PDE4C: variants seen among roughly 807,000 people sequenced by gnomAD.
PDE4C encodes the protein 3',5'-cyclic-AMP phosphodiesterase 4C.
Under a neutral mutation model 63.9 loss-of-function variants are expected in PDE4C, and 50 were observed. The observed-to-expected ratio is 0.78, with a 90% CI of 0.62 to 0.99. The LOEUF is 0.99. Ranked by LOEUF, PDE4C falls within the 50% of genes least tolerant of loss-of-function variation. The probability of loss-of-function intolerance (pLI) is 0.00; values close to 1 mark genes in which losing one functional copy is unlikely to be tolerated. For synonymous variants in PDE4C, 377 were observed against 385.1 expected, an observed-to-expected ratio of 0.98 and a Z score of 0.25; for missense variants, 777 against 899.1, an observed-to-expected ratio of 0.86 and a Z score of 1.74.
downstream of PDE4C, chr19:18,208,482 A>T (rs1006204821): frequency 7.8e-6 from 1 of 128,260 alleles, no homozygotes; most frequent in Non-Finnish European, 1.7e-5. Context: ...CCACCCCCCA[A>T]CCCCCGACAA....
At chr19:18,241,613 C>T (rs1176957450) in intron 1 of PDE4C, among the ~76,000 whole-genome samples, 1 of 151,874 alleles carries the variant, frequency 6.6e-6, no homozygotes, top group African/African-American at 2.4e-5. Flanking sequence ...TGCAGTGGTG[C>T]AGTCTTAACT....
At chr19:18,215,616 A>C (rs1007056708) in intron 12 of PDE4C, among the ~76,000 whole-genome samples, 1 of 149,210 alleles carries the variant, frequency 6.7e-6, no homozygotes, top group African/African-American at 2.5e-5. Context: ...CCGGGTTCAA[A>C]TGATTCTCCT....
At chr19:18,211,685 G>A in intron 14 of PDE4C, 74 bp downstream of exon 14, 1 of 1,546,646 alleles carries the variant, frequency 6.5e-7, no homozygotes, top group Non-Finnish European at 8.9e-7. Context: ...CCAAACCAGG[G>A]CTCGTGGGGT....
chr19:18,233,049 G>C, exon 1 of PDE4C: 1 of 1,565,336 alleles, frequency 6.4e-7, no homozygotes, highest in Non-Finnish European at 8.7e-7. Flanking sequence ...GTCCGGATCC[G>C]AATAGAAGCG....
At chr19:18,254,913 T>C in the PDE4C span, among the ~76,000 whole-genome samples, 1 of 152,336 alleles carries the variant, frequency 6.6e-6, no homozygotes, top group South Asian at 2.1e-4. Context: ...CCTTTGGGGA[T>C]TGGCTAAAAG....
At chr19:18,242,821 G>A (rs186954662) in intron 1 of PDE4C, among the ~76,000 whole-genome samples, 5 of 152,000 alleles carry the variant, frequency 3.3e-5, no homozygotes, top group Admixed American at 3.3e-4. Flanking sequence ...GGGAGCCAAG[G>A]GCCAGGGTGG....
At chr19:18,241,467 C>T (rs1185062706) in intron 1 of PDE4C, among the ~76,000 whole-genome samples, 1 of 151,858 alleles carries the variant, frequency 6.6e-6, no homozygotes, top group Admixed American at 6.6e-5. Flanking sequence ...CGGGGTCTCA[C>T]CGTGTTAGCT....
At chr19:18,211,118 C>T (rs746777367) in exon 15 of PDE4C, 2 of 1,614,190 alleles carry the variant, frequency 1.2e-6, no homozygotes, top group Admixed American at 1.7e-5. Flanking sequence ...CAGGCCCGTC[C>T]CGCTCGGGGT....
At chr19:18,241,263 T>G (rs1355301195) in intron 1 of PDE4C, among the ~76,000 whole-genome samples, 4 of 38,608 alleles carry the variant, frequency 1.0e-4, no homozygotes, top group Non-Finnish European at 1.9e-4. Flanking sequence ...TTGTTTTTTT[T>G]TTTTTTTTTT....
exon 1 of PDE4C, chr19:18,232,957 A>C: frequency 6.9e-7 from 1 of 1,453,790 alleles, no homozygotes; most frequent in Non-Finnish European, 9.1e-7. Flanking sequence ...TACCGCCTGC[A>C]GGAGGAAACG....
chr19:18,224,738 T>G (rs1183211083), intron 1 of PDE4C, among the ~76,000 whole-genome samples: 1 of 152,212 alleles, frequency 6.6e-6, no homozygotes, highest in Admixed American at 6.5e-5. Context: ...TCCGTCCGAC[T>G]CCAGCGGGTT....
chr19:18,226,649 A>G (rs1600091741), upstream of PDE4C, among the ~76,000 whole-genome samples: 1 of 124,970 alleles, frequency 8.0e-6, no homozygotes. Context: ...TGTGTTGCCC[A>G]GGCTGGAGTG....
chr19:18,247,056 G>A (rs1969146249), intron 1 of PDE4C, among the ~76,000 whole-genome samples: 1 of 152,244 alleles, frequency 6.6e-6, no homozygotes, highest in Non-Finnish European at 1.5e-5. Context: ...CCAGAATGGG[G>A]GCACTGGCTG....
upstream of PDE4C, among the ~76,000 whole-genome samples, chr19:18,230,445 A>G (rs1968825131): frequency 6.6e-6 from 1 of 152,326 alleles, no homozygotes; most frequent in South Asian, 2.1e-4. Flanking sequence ...CAGAGGTTGC[A>G]GTGAGACAAG....
At chr19:18,228,222 A>G (rs1221978104), upstream of PDE4C, among the ~76,000 whole-genome samples, 2 of 152,088 alleles carry the variant, frequency 1.3e-5, no homozygotes, top group Non-Finnish European at 2.9e-5. Flanking sequence ...ACATGTCCCC[A>G]AGGAGAAACC....
chr19:18,211,403 T>C, intron 14 of PDE4C, 127 bp from the exon 15 acceptor site: 1 of 799,740 alleles, frequency 1.3e-6, no homozygotes, highest in Non-Finnish European at 1.9e-6. Context: ...CAACTGCTCA[T>C]CCTTCAAAAC....
At chr19:18,218,993 C>A in exon 9 of PDE4C, 1 of 1,613,608 alleles carries the variant, frequency 6.2e-7, no homozygotes, top group Non-Finnish European at 8.5e-7. Context: ...CTTAGCTCCG[C>A]CACCTTGAAC....
intron 1 of PDE4C, among the ~76,000 whole-genome samples, chr19:18,245,057 G>A (rs556718499): frequency 6.6e-6 from 1 of 151,998 alleles, no homozygotes; most frequent in East Asian, 1.9e-4. Context: ...GGATGGTCTC[G>A]ATCTCTTGAC....
At chr19:18,226,248 C>A in intron 1 of PDE4C, 22 bp downstream of exon 1, 1 of 1,545,224 alleles carries the variant, frequency 6.5e-7, no homozygotes, top group Non-Finnish European at 8.7e-7. Flanking sequence ...GTGACCCCGC[C>A]AGGCCCTCTG....
Sources: gnomAD v4.1 joint callset for allele counts (sites outside exome capture counted in the v4.1 genomes callset) on GRCh38, gnomAD v4.1.1 for gene constraint, MANE v1.5 for transcripts, NCBI Gene and HGNC (gene_info 2026-07-23, HGNC 2026-07-21) for gene names.